The following ERN1 variants were observed in gnomAD, a reference collection of about 807,000 sequenced individuals.
The protein encoded by ERN1 is endoplasmic reticulum to nucleus signaling 1.
In ERN1, 39 loss-of-function variants were observed where a neutral mutation model predicts 113.1. The observed-to-expected ratio is 0.34, with a 90% confidence interval of 0.27 to 0.45. ERN1 has a LOEUF of 0.45. Among genes scored for constraint, ERN1 ranks in the 20% least tolerant of loss-of-function variants. The pLI is 1.00. For missense variants in ERN1, 976 were observed against 1,274.8 expected, an observed-to-expected ratio of 0.77 and a Z score of 3.57; for synonymous variants, 507 against 515.9, an observed-to-expected ratio of 0.98 and a Z score of 0.23.
intron 2 of ERN1, among the ~76,000 whole-genome samples, chr17:64,093,800 T>C (rs565685468): frequency 6.6e-6 from 1 of 152,230 alleles, no homozygotes; most frequent in Non-Finnish European, 1.5e-5. Flanking sequence ...ACAGGGCATG[T>C]TGCTCCTTGC....
intron 1 of ERN1, among the ~76,000 whole-genome samples, chr17:64,127,868 C>T (rs1242522522): frequency 1.3e-5 from 2 of 152,038 alleles, no homozygotes; most frequent in Non-Finnish European, 2.9e-5. Context: ...ATACCCACTG[C>T]GTTCTGCACA....
chr17:64,106,180 A>G (rs1914521750), intron 1 of ERN1, among the ~76,000 whole-genome samples: 2 of 152,202 alleles, frequency 1.3e-5, no homozygotes, highest in Non-Finnish European at 2.9e-5. Flanking sequence ...AATTGGCGTT[A>G]AGGGTTCCTT....
intron 1 of ERN1, among the ~76,000 whole-genome samples, chr17:64,125,115 A>G (rs1047030827): frequency 6.6e-6 from 1 of 152,238 alleles, no homozygotes; most frequent in Non-Finnish European, 1.5e-5. Flanking sequence ...TAAATGGGTG[A>G]ATTGTGATGA....
At chr17:64,094,534 T>C (rs1295571300) in intron 2 of ERN1, among the ~76,000 whole-genome samples, 1 of 152,054 alleles carries the variant, frequency 6.6e-6, no homozygotes, top group Non-Finnish European at 1.5e-5. Flanking sequence ...TCCTGCCCTG[T>C]ATGACTGGCC....
At chr17:64,103,129 G>A (rs1237625011) in intron 1 of ERN1, among the ~76,000 whole-genome samples, 1 of 152,112 alleles carries the variant, frequency 6.6e-6, no homozygotes, top group East Asian at 1.9e-4. Context: ...CAGCTGGACT[G>A]CAGCAAGTCT....
chr17:64,130,017 GC>G lies in ERN1; in HGVS notation c.12del (p.Arg5GlyfsTer6). ...AGCAGCGTCAGCAGCAGCAGCAGCC[GC>G]CGGGCCGGCATGGCGAGGACTCGGC... Reference protein sequence around the residue: MPARRLLLLLTLLL... With the variant: MPAXRLLLLLTLLL... On this transcript the variant is annotated frameshift_variant, in exon 1 of 22. Transcript: ENST00000433197. LOFTEE classifies it high-confidence loss of function. The surrounding 1 kb of genome is among the most constrained non-coding windows in gnomAD (Gnocchi z 4.0). 1 of 1,433,362 alleles carries G rather than the reference GC, an allele frequency of 7.0e-7. No homozygotes were observed. The highest frequency in any genetic ancestry group is 9.1e-7 in the Non-Finnish European group (1 of 1,099,606). The allele number at this position is 1,433,362 out of a possible 1,614,324, so 88.8% of individuals were successfully genotyped here. A position where few individuals can be genotyped will look rare whatever the true frequency, so the allele number is the denominator to read the frequency against.
intron 9 of ERN1, among the ~76,000 whole-genome samples, chr17:64,064,381 T>C (rs1457523777): frequency 1.3e-5 from 2 of 152,362 alleles, no homozygotes; most frequent in Non-Finnish European, 2.9e-5. Flanking sequence ...GTCTGGGTAC[T>C]GGGGAACAAG....
intron 18 of ERN1, among the ~76,000 whole-genome samples, chr17:64,048,844 G>C (rs566144978): frequency 6.6e-5 from 10 of 152,314 alleles, no homozygotes; most frequent in African/African-American, 2.4e-4. Flanking sequence ...AGGAACCTTG[G>C]AGCATCTCAG....
chr17:64,071,724 G>C (rs981183283), intron 6 of ERN1, among the ~76,000 whole-genome samples: 2 of 152,158 alleles, frequency 1.3e-5, no homozygotes, highest in Non-Finnish European at 2.9e-5. Flanking sequence ...GCCCGGCCAG[G>C]CAACTTTGAA....
At chr17:64,062,458 C>T (rs1333040830) in intron 10 of ERN1, among the ~76,000 whole-genome samples, 5 of 152,240 alleles carry the variant, frequency 3.3e-5, no homozygotes, top group Non-Finnish European at 5.9e-5. Flanking sequence ...TTTAAGATGA[C>T]GAGCTTTGGA....
At chr17:64,069,315 C>G in intron 6 of ERN1, among the ~76,000 whole-genome samples, 1 of 151,980 alleles carries the variant, frequency 6.6e-6, no homozygotes, top group Non-Finnish European at 1.5e-5. Context: ...CATGGGAAGC[C>G]CACATAGTTT....
intron 1 of ERN1, among the ~76,000 whole-genome samples, chr17:64,119,800 G>A (rs182836223): frequency 2.0e-4 from 31 of 152,206 alleles, no homozygotes; most frequent in Admixed American, 6.5e-4. Flanking sequence ...GTCTGGTCCC[G>A]TGCTCTGTGA....
Position 64,039,979 on chromosome 17 carries a change from G to C in ERN1, c.*4009C>G, listed in dbSNP as rs1057122462. ...TCACGGGAAATCACTGTTTCATAAA[G>C]AAGGAGGGGAGTAGACCATTGGGTT... On this transcript the variant is annotated 3_prime_UTR_variant, in exon 22 of 22. Transcript: ENST00000433197. 2 of 152,214 alleles carry C rather than the reference G, an allele frequency of 1.3e-5. No homozygotes were observed. Among genetic ancestry groups the C allele is most frequent in the Non-Finnish European group, 2.9e-5 (2 of 68,052 alleles). The allele number at this position is 152,214 out of a possible 1,614,324, so 9.4% of individuals were successfully genotyped here. A position where few individuals can be genotyped will look rare whatever the true frequency, so the allele number is the denominator to read the frequency against.
intron 1 of ERN1, among the ~76,000 whole-genome samples, chr17:64,120,756 C>A (rs1476977458): frequency 6.6e-6 from 1 of 152,156 alleles, no homozygotes; most frequent in Non-Finnish European, 1.5e-5. Flanking sequence ...TCCACCCAAG[C>A]AAATATCCTG....
At chr17:64,127,269 A>T (rs2291676) in intron 1 of ERN1, among the ~76,000 whole-genome samples, 9,815 of 152,324 alleles carry the variant, frequency 0.064, 441 homozygotes, top group East Asian at 0.13. Context: ...TACATCAATC[A>T]AAAAGAAATA....
rs149579805 is a variant in ERN1, at chr17:64,056,515, T to C, written c.1399-567A>G. The stretch of plus-strand genomic sequence containing the variant: ...CAGTGGGGCTGACACATGGTGAGCC[T>C]GGCTGAGGTCCTGCTTCCGCCTTTC... On this transcript the variant is annotated intron_variant, in intron 12 of 21. Transcript: ENST00000433197. 2.1e-3 allele frequency among the ~76,000 whole-genome samples: 315 copies of C among 152,328 alleles called. 1 individual carries two copies. Among genetic ancestry groups the C allele is most frequent in the Non-Finnish European group, 3.3e-3 (227 of 68,014 alleles).
At chr17:64,090,321 A>C (rs1003152166) in intron 2 of ERN1, among the ~76,000 whole-genome samples, 4 of 152,226 alleles carry the variant, frequency 2.6e-5, no homozygotes, top group African/African-American at 9.6e-5. Context: ...GAAATGACCA[A>C]GTAATCCGGA....
intron 17 of ERN1, among the ~76,000 whole-genome samples, chr17:64,051,856 G>A (rs1368521949): frequency 6.6e-6 from 1 of 152,198 alleles, no homozygotes; most frequent in Non-Finnish European, 1.5e-5. Context: ...TGAGATGATG[G>A]ATAGAAACAG....
rs1324372380 is a variant in ERN1, at chr17:64,044,306, T to C, written c.2722-106A>G. The C allele has an allele frequency of 5.2e-6, 4 of 768,770 alleles. No individual in the cohort carries two copies. The African/African-American group carries it at 5.4e-5, about 10-fold the overall frequency. The allele number at this position is 768,770 out of a possible 1,614,324, so 47.6% of individuals were successfully genotyped here. A position where few individuals can be genotyped will look rare whatever the true frequency, so the allele number is the denominator to read the frequency against. ...GCAAGGAAGAGACAGAATGTGAGTG[T>C]TGGTTTTTGGTAAAGAAAAAGAAAA... On this transcript the variant is annotated intron_variant, in intron 21 of 21. Transcript: ENST00000433197. The surrounding 1 kb of genome is among the most constrained non-coding windows in gnomAD (Gnocchi z 4.1).
Sources: allele counts gnomAD v4.1 joint callset (sites outside exome capture counted in the v4.1 genomes callset), GRCh38; gene constraint gnomAD v4.1.1; non-coding constraint Gnocchi (gnomAD v3.1); transcripts MANE v1.5; gene names NCBI Gene and HGNC (gene_info 2026-07-23, HGNC 2026-07-21).